The following SYCE1 variants were observed in gnomAD, a reference collection of about 807,000 sequenced individuals.
SYCE1 encodes cancer/testis antigen 76.
A neutral mutation model predicts 55.1 loss-of-function variants in SYCE1; 37 were observed. The ratio of observed to expected loss-of-function variants is 0.67; its 90% confidence interval spans 0.52 to 0.88. The LOEUF (loss-of-function observed/expected upper bound fraction) is 0.88, where lower values mean the gene tolerates loss of function less well. Among genes scored for constraint, SYCE1 ranks in the 40% least tolerant of loss-of-function variants. The pLI is 0.00. For missense variants in SYCE1, 399 were observed against 416.4 expected (o/e 0.96, Z 0.36); for synonymous variants, 163 against 159.4 (o/e 1.02, Z -0.17).
chr10:133,565,376 C>G lies in SYCE1; in HGVS notation c.73+81G>C, dbSNP rs1851902934. On this transcript the variant is annotated intron_variant, in intron 1 of 12. Coordinates refer to ENST00000343131, the MANE Select transcript of SYCE1 (RefSeq NM_001143764.3). ...CAGCATCAGGACTGACAGGAAGAAG[C>G]AGCCGCCACCCGCGCCCCAACCCTG... 7 of 1,291,382 alleles carry G rather than the reference C, an allele frequency of 5.4e-6. No individual in the cohort carries two copies. In the East Asian group the frequency reaches 2.0e-4, roughly 38 times the overall value. 80.0% of individuals were successfully genotyped at this position (1,291,382 alleles called of 1,614,324 possible).
At chr10:133,556,187 T>C in intron 8 of SYCE1, 140 bp from the exon 9 acceptor site, 1 of 932,544 alleles carries the variant, frequency 1.1e-6, no homozygotes, top group Non-Finnish European at 1.6e-6. Context: ...CCAGCTACAG[T>C]ACAGCCTCAG....
chr10:133,563,319 T>C (rs1021947577), intron 1 of SYCE1, among the ~76,000 whole-genome samples: 1 of 152,174 alleles, frequency 6.6e-6, no homozygotes, highest in African/African-American at 2.4e-5. Context: ...AAATATGCCT[T>C]AGGGGATTTG....
upstream of SYCE1, among the ~76,000 whole-genome samples, chr10:133,566,022 C>G (rs377659366): frequency 8.5e-3 from 1,296 of 152,316 alleles, 14 homozygotes; most frequent in Middle Eastern, 0.02. Flanking sequence ...TGCGGCAGCC[C>G]CCGCTGGGCC....
upstream of SYCE1, among the ~76,000 whole-genome samples, chr10:133,566,235 C>T (rs1344365988): frequency 6.6e-6 from 1 of 152,220 alleles, no homozygotes; most frequent in Non-Finnish European, 1.5e-5. Flanking sequence ...CAGCCCTTCA[C>T]CGGCCAGGGG....
chr10:133,556,285 T>G (rs1378968546), intron 8 of SYCE1: 6 of 590,206 alleles, frequency 1.0e-5, no homozygotes, highest in African/African-American at 1.9e-5. Flanking sequence ...TGGATTGTTA[T>G]TTACAACAGA....
rs775227347 is a variant in SYCE1 at position 133,555,883 on chromosome 10, G to C, written c.616C>G (p.Leu206Val). 1 of 1,614,070 alleles carries C rather than the reference G, an allele frequency of 6.2e-7. No individual in the cohort carries two copies. The highest frequency in any genetic ancestry group is 1.3e-5 in the African/African-American group (1 of 75,048). Reference sequence around the variant, plus strand: ...CACAGCTGATGCTTCACGTCTTCCAGTGTCGCCTTGACCAGCTTCTCTGCA... The same window carrying C: ...CACAGCTGATGCTTCACGTCTTCCACTGTCGCCTTGACCAGCTTCTCTGCA... ...LKEEKLVKAT[L>V]EDVKHQLCSL... The change falls in exon 10 of 13, where the codon CTG becomes GTG. Residue 206 changes from leucine to valine, a missense_variant. By Grantham distance (32) the Leu-to-Val change is conservative. Coordinates refer to ENST00000343131, the MANE Select transcript of SYCE1 (RefSeq NM_001143764.3).
At chr10:133,559,230 T>A (rs1228511953) in intron 3 of SYCE1, 71 bp downstream of exon 3, 2 of 1,521,742 alleles carry the variant, frequency 1.3e-6, no homozygotes, top group Non-Finnish European at 1.8e-6. Context: ...GGACCCTGCA[T>A]TCTCACTTGG....
In SYCE1 at chr10:133,555,669, A is replaced by G; in HGVS notation, c.758T>C (p.Leu253Pro). The G allele has an allele frequency of 6.2e-7, 1 of 1,604,622 alleles. No individual in the cohort carries two copies. Among genetic ancestry groups the G allele is most frequent in the Non-Finnish European group, 8.5e-7 (1 of 1,179,944 alleles). ...FQEEHRKAEE[L>P]LAAAAQRHQQ... ...GTGGCGCTGGGCAGCAGCTGCTAGG[A>G]GCTCCTCAGCCTTCCTGTGCTCTTC... Residue 253 changes from leucine (L) to proline (P), a missense_variant, in exon 11 of 13, where the codon CTC (leucine) becomes CCC (proline). By Grantham distance (98) the Leu-to-Pro change is moderately conservative. Transcript: ENST00000343131.
At chr10:133,554,259 G>T, downstream of SYCE1, 2 of 1,609,892 alleles carry the variant, frequency 1.2e-6, 1 homozygote, top group Admixed American at 3.3e-5. Context: ...ATTTTTCCAT[G>T]GAAACAGTGC....
intron 5 of SYCE1, 30 bp downstream of exon 5, chr10:133,558,137 C>A: frequency 6.2e-7 from 1 of 1,614,016 alleles, no homozygotes; most frequent in African/African-American, 1.3e-5. Context: ...GGCAAAGGCA[C>A]AAGCCTGGAG....
chr10:133,556,599 AAGG>A, intron 8 of SYCE1, 157 bp downstream of exon 8: 2 of 725,116 alleles, frequency 2.8e-6, no homozygotes, highest in Admixed American at 4.4e-5. Context: ...GCAGGGTCAC[AAGG>A]AGGTGACAAG....
chr10:133,554,729 T>A, downstream of SYCE1: 1 of 941,630 alleles, frequency 1.1e-6, no homozygotes, highest in Non-Finnish European at 1.7e-6. Context: ...TGTATGTGTG[T>A]ATGCAGGTGG....
At chr10:133,560,019 G>T in intron 2 of SYCE1, 72 bp downstream of exon 2, 1 of 1,268,618 alleles carries the variant, frequency 7.9e-7, no homozygotes, top group Non-Finnish European at 1.2e-6. Flanking sequence ...TACATTGTGG[G>T]GCCTGAAATT....
chr10:133,564,318 T>C (rs1015288122), intron 1 of SYCE1: 1 of 922,358 alleles, frequency 1.1e-6, no homozygotes, highest in Non-Finnish European at 1.3e-6. Context: ...CTTGAACTTC[T>C]AGCCTCGAAA....
Position 133,565,446 on chromosome 10 carries a change from CCCA to C in SYCE1, c.73+8_73+10del, listed in dbSNP as rs1381762941. The C allele has an allele frequency of 6.5e-7, 1 of 1,545,946 alleles. No homozygotes were observed. The highest frequency in any genetic ancestry group is 2.0e-5 in the Admixed American group (1 of 50,484). On this transcript the variant is annotated splice_region_variant and intron_variant, in intron 1 of 12. Coordinates refer to ENST00000343131, the MANE Select transcript of SYCE1 (RefSeq NM_001143764.3). Reference sequence around the variant, plus strand: ...GACCCTCACGCACAGTTCCCTGCCTCCCACCACTACCTCCGGCCTTCTCAGCCC... The same window carrying C: ...GACCCTCACGCACAGTTCCCTGCCTCCCACTACCTCCGGCCTTCTCAGCCC...
At chr10:133,554,450 A>G, downstream of SYCE1, 1 of 882,204 alleles carries the variant, frequency 1.1e-6, no homozygotes, top group Non-Finnish European at 1.9e-6. Flanking sequence ...TGAAACATGT[A>G]TCAGATGCAC....
chr10:133,558,197 G>A lies in SYCE1; in HGVS notation c.289C>T (p.His97Tyr). Residue 97 changes from histidine (H) to tyrosine (Y), a missense_variant, in exon 5 of 13, where the codon CAC becomes TAC. Transcript: ENST00000343131. Reference sequence around the variant, plus strand: ...TTTTTGCTCAAGATCTCCTTCAGGTGTACTTTCTCTCCATGCACTAGAAAA... The same window carrying A: ...TTTTTGCTCAAGATCTCCTTCAGGTATACTTTCTCTCCATGCACTAGAAAA... ...ELDSLHGEKV[H>Y]LKEILSKKQE... The A allele has an allele frequency of 1.9e-6, 3 of 1,614,178 alleles. No individual in the cohort carries two copies. The highest frequency in any genetic ancestry group is 2.2e-5 in the East Asian group (1 of 44,878).
rs1319779227 is a variant in SYCE1, at chr10:133,557,044, C to T, written c.464+23G>A. The stretch of plus-strand genomic sequence containing the variant: ...CCCAACTACTGGCCATCCAAACCCC[C>T]TGCCTCAGATGCTAAGGTTTACCTC... On this transcript the variant is annotated intron_variant, in intron 7 of 12. Transcript: ENST00000343131. 5.0e-6 allele frequency: 8 copies of T among 1,610,346 alleles called. No homozygotes were observed. In the Middle Eastern group the frequency reaches 4.9e-4, roughly 99 times the overall value.
chr10:133,554,935 C>CAAAT lies in SYCE1; in HGVS notation c.*56_*57insATTT. 6.7e-7 allele frequency: 1 copy of CAAAT among 1,486,956 alleles called. No individual in the cohort carries two copies. Among genetic ancestry groups the CAAAT allele is most frequent in the Middle Eastern group, 1.8e-4 (1 of 5,636 alleles). 92.1% of individuals were successfully genotyped at this position (1,486,956 alleles called of 1,614,324 possible). A position where few individuals can be genotyped will look rare whatever the true frequency, so the allele number is the denominator to read the frequency against. On this transcript the variant is annotated 3_prime_UTR_variant, in exon 13 of 13. Coordinates refer to ENST00000343131, the MANE Select transcript of SYCE1 (RefSeq NM_001143764.3). ...GTCAAGCCAAGGCTTCAATCAGTCACAGGAGACTGGGGATCTTGGGCCTGA... is the reference window on the plus strand; with the variant it reads ...GTCAAGCCAAGGCTTCAATCAGTCACAAATAGGAGACTGGGGATCTTGGGCCTGA...
Sources: gnomAD v4.1 joint callset for allele counts (sites outside exome capture counted in the v4.1 genomes callset) on GRCh38, gnomAD v4.1.1 for gene constraint, MANE v1.5 for transcripts, NCBI Gene and HGNC (gene_info 2026-07-23, HGNC 2026-07-21) for gene names.